Variants in TRDN observed in about 807,000 individuals in gnomAD.
TRDN encodes triadin in skeletal muscle.
In TRDN, 161 loss-of-function variants were observed where a neutral mutation model predicts 149.7. The ratio of observed to expected loss-of-function variants is 1.08; its 90% CI spans 0.95 to 1.23. The LOEUF (loss-of-function observed/expected upper bound fraction) is 1.23, where lower values mean the gene tolerates loss of function less well. TRDN is among the 50% of genes most tolerant of loss of function. The probability of loss-of-function intolerance (pLI) is 0.00; values close to 1 mark genes in which losing one functional copy is unlikely to be tolerated. For synonymous variants in TRDN, 294 were observed against 250.5 expected, an observed-to-expected ratio of 1.17 and a Z score of -1.64; for missense variants, 896 against 823.5, an observed-to-expected ratio of 1.09 and a Z score of -1.08.
In TRDN at chr6:123,304,252, C is replaced by CTTT. The variant is rs71649806; in HGVS notation, c.1510+12202_1510+12204dup. Among the ~76,000 whole-genome samples the CTTT allele has an allele frequency of 1.0e-3, 129 of 128,914 alleles. 11 individuals are homozygous for CTTT. Among genetic ancestry groups the CTTT allele is most frequent in the East Asian group, 1.9e-3 (8 of 4,294 alleles). The allele number at this position is 128,914 out of a possible 152,430, so 84.6% of individuals were successfully genotyped here. A position where few individuals can be genotyped will look rare whatever the true frequency, so the allele number is the denominator to read the frequency against. ...ATGAATATTAATTTTCTTTTATTTT[C>CTTT]TTTTTTTTTTTTTTTTTTTGAGACG... On this transcript the variant is annotated intron_variant, in intron 24 of 40. Transcript: ENST00000334268.
At chr6:123,487,679 C>T (rs116294527) in intron 9 of TRDN, among the ~76,000 whole-genome samples, 2,607 of 152,158 alleles carry the variant, frequency 0.017, 69 homozygotes, top group African/African-American at 0.06. Context: ...GTATTATTGT[C>T]TGATGTTTGC....
intron 2 of TRDN, among the ~76,000 whole-genome samples, chr6:123,548,937 G>C (rs1412777232): frequency 2.6e-5 from 4 of 152,144 alleles, no homozygotes; most frequent in Middle Eastern, 3.4e-3. Flanking sequence ...TGGATGTTCA[G>C]GAATGGAAGA....
At position 123,571,068 on chromosome 6, in the gene TRDN, T is replaced by A. The variant is rs1277480501; in HGVS notation, c.87A>T (p.Gly29=). The change falls in exon 2 of 41, where the codon GGA becomes GGT. Residue 29 remains glycine (G), a synonymous_variant. Transcript: ENST00000334268. ...CTGTGACTGTCCTCTTCAGCACTTT[T>A]CCGGGGGATTTGGGCACAGATCCAT... ...SKNGSVPKSP[G]KVLKRTVTED... The A allele has an allele frequency of 6.2e-7, 1 of 1,613,852 alleles. No individual in the cohort carries two copies. The highest frequency in any genetic ancestry group is 8.5e-7 in the Non-Finnish European group (1 of 1,179,874).
chr6:123,603,362 C>T (rs538729452), intron 1 of TRDN, among the ~76,000 whole-genome samples: 1 of 152,080 alleles, frequency 6.6e-6, no homozygotes, highest in Admixed American at 6.6e-5. Context: ...ATCTCCCTTC[C>T]TCTCAAAACT....
intron 1 of TRDN, among the ~76,000 whole-genome samples, chr6:123,577,965 C>A (rs1032475051): frequency 2.6e-5 from 4 of 152,034 alleles, no homozygotes; most frequent in Non-Finnish European, 5.9e-5. Flanking sequence ...TGTCCTTTGC[C>A]CACTTCTTAA....
At chr6:123,496,029 TTATTAATATATTATTAATAA>T (rs1778429132) in intron 9 of TRDN, among the ~76,000 whole-genome samples, 1 of 147,724 alleles carries the variant, frequency 6.8e-6, no homozygotes, top group Non-Finnish European at 1.5e-5. Context: ...AACATCGATA[TTATTAATATATTATTAATAA>T]TATATATCAT....
intron 1 of TRDN, among the ~76,000 whole-genome samples, chr6:123,587,011 C>A (rs574155246): frequency 6.6e-6 from 1 of 151,874 alleles, no homozygotes; most frequent in African/African-American, 2.4e-5. Flanking sequence ...GGTTGGGGTA[C>A]TTGCCCCTCC....
chr6:123,310,253 C>A (rs527487331), intron 24 of TRDN, among the ~76,000 whole-genome samples: 3 of 151,916 alleles, frequency 2.0e-5, no homozygotes, highest in Admixed American at 1.3e-4. Flanking sequence ...GAGAATGCTC[C>A]AAAGAAGCAT....
chr6:123,587,407 G>T (rs1003583108), intron 1 of TRDN, among the ~76,000 whole-genome samples: 1 of 152,110 alleles, frequency 6.6e-6, no homozygotes, highest in Non-Finnish European at 1.5e-5. Context: ...GGAGAAAGTG[G>T]TTGAGGGACA....
intron 19 of TRDN, among the ~76,000 whole-genome samples, chr6:123,366,761 G>A (rs188472009): frequency 1.2e-3 from 175 of 151,996 alleles, no homozygotes; most frequent in Admixed American, 3.8e-3. Flanking sequence ...CAGGTGATCC[G>A]CCCGCCTCAG....
chr6:123,275,071 G>A (rs1777325351), intron 26 of TRDN, among the ~76,000 whole-genome samples: 1 of 152,052 alleles, frequency 6.6e-6, no homozygotes, highest in South Asian at 2.1e-4. Context: ...AACAAGAGTT[G>A]GAAGAGACTC....
chr6:123,587,102 G>A (rs151212091), intron 1 of TRDN, among the ~76,000 whole-genome samples: 1 of 151,914 alleles, frequency 6.6e-6, no homozygotes, highest in East Asian at 2.0e-4. Flanking sequence ...TGGAAAAGAG[G>A]TAGAGACACA....
chr6:123,440,896 G>T (rs1008112622), intron 10 of TRDN: 9 of 152,048 alleles, frequency 5.9e-5, no homozygotes, highest in African/African-American at 2.2e-4. Context: ...CAGTATTCTT[G>T]TCTTCGTCCA....
intron 31 of TRDN, among the ~76,000 whole-genome samples, chr6:123,268,076 G>T (rs1777075901): frequency 6.6e-6 from 1 of 152,036 alleles, no homozygotes; most frequent in African/African-American, 2.4e-5. Context: ...GCTGAAAGTT[G>T]AATCATTCTT....
chr6:123,316,594 T>C (rs1779033382), intron 23 of TRDN, 99 bp from the exon 24 acceptor site: 5 of 929,212 alleles, frequency 5.4e-6, no homozygotes, highest in Non-Finnish European at 8.2e-6. Flanking sequence ...TAGGCTTCAC[T>C]GATTTTTCTT....
At chr6:123,621,344 C>A (rs1470558992) in intron 1 of TRDN, among the ~76,000 whole-genome samples, 1 of 152,112 alleles carries the variant, frequency 6.6e-6, no homozygotes, top group Non-Finnish European at 1.5e-5. Context: ...CACCCTTTCT[C>A]CACATTTTCC....
At position 123,386,837 on chromosome 6, in the gene TRDN, G is replaced by A. The variant is rs115260053; in HGVS notation, c.1135+1685C>T. Among the ~76,000 whole-genome samples, 232 of 152,280 alleles carry A rather than the reference G, an allele frequency of 1.5e-3. 2 individuals carry two copies. The highest frequency in any genetic ancestry group is 5.3e-3 in the African/African-American group (220 of 41,566). On this transcript the variant is annotated intron_variant, in intron 14 of 40. Transcript: ENST00000334268. Reference sequence around the variant, plus strand: ...TGGTGTGTGGGGCAACAACCTTGGAGAGCTGGAACCTCTGGCTACTCTTAC... The same window carrying A: ...TGGTGTGTGGGGCAACAACCTTGGAAAGCTGGAACCTCTGGCTACTCTTAC...
chr6:123,481,418 G>GA (rs34840627), intron 9 of TRDN, among the ~76,000 whole-genome samples: 1,841 of 116,464 alleles, frequency 0.016, 28 homozygotes, highest in African/African-American at 0.041. Context: ...GAAGAAAAAG[G>GA]AAAAAAAAAA....
At chr6:123,600,839 G>A (rs1470833509) in intron 1 of TRDN, among the ~76,000 whole-genome samples, 1 of 152,016 alleles carries the variant, frequency 6.6e-6, no homozygotes, top group East Asian at 1.9e-4. Context: ...AAACTCTAGA[G>A]AAAAGAATTC....
Sources: gnomAD v4.1 joint callset for allele counts (sites outside exome capture counted in the v4.1 genomes callset) on GRCh38, gnomAD v4.1.1 for gene constraint, MANE v1.5 for transcripts, NCBI Gene and HGNC (gene_info 2026-07-23, HGNC 2026-07-21) for gene names.